The following AJUBA variants were observed in gnomAD, a reference collection of about 807,000 sequenced individuals.
AJUBA encodes ajuba LIM protein.
In AJUBA, 20 loss-of-function variants were observed where a neutral mutation model predicts 53.3. The ratio of observed to expected loss-of-function variants is 0.38; its 90% CI spans 0.26 to 0.55. AJUBA has a LOEUF of 0.55. Among genes scored for constraint, AJUBA ranks in the 20% least tolerant of loss-of-function variants. The pLI, the probability that AJUBA is intolerant of heterozygous loss-of-function variation, is 0.80. For synonymous variants in AJUBA, 296 were observed against 306.2 expected (o/e 0.97, Z 0.35); for missense variants, 580 against 730.5 (o/e 0.79, Z 2.38).
intron 4 of AJUBA, among the ~76,000 whole-genome samples, chr14:22,975,529 G>A (rs943824110): frequency 2.0e-5 from 3 of 152,196 alleles, no homozygotes; most frequent in African/African-American, 7.2e-5. Context: ...AGAAAACTGA[G>A]TCCCAAGTGA....
rs1385410061 is a variant in AJUBA, at chr14:22,979,129, C to A, written c.1007-684G>T. On this transcript the variant is annotated intron_variant, in intron 1 of 7. Coordinates refer to ENST00000262713, the MANE Select transcript of AJUBA (RefSeq NM_032876.6). This position sits in a 1 kb window ranked among gnomAD's most constrained non-coding sequence, Gnocchi z 4.0. ...GAGAGTAGCAGAGCCCCTGATGCCT[C>A]CTAGTCACCTTCTATCATGGGAAGA... The A allele has an allele frequency of 8.0e-7, 1 of 1,248,272 alleles. No homozygotes were observed. The highest frequency in any genetic ancestry group is 1.0e-6 in the Non-Finnish European group (1 of 971,222). The allele number at this position is 1,248,272 out of a possible 1,614,324, so 77.3% of individuals were successfully genotyped here.
intron 1 of AJUBA, among the ~76,000 whole-genome samples, chr14:22,980,282 G>A (rs1015232325): frequency 5.9e-5 from 9 of 152,154 alleles, no homozygotes; most frequent in South Asian, 2.1e-4. Flanking sequence ...TGTGAATTTT[G>A]ACTAAAAGAT....
At chr14:22,981,149 C>G in intron 1 of AJUBA, 112 bp downstream of exon 1, 1 of 1,337,246 alleles carries the variant, frequency 7.5e-7, no homozygotes, top group Admixed American at 2.5e-5. Context: ...CTTTCCTAGT[C>G]CCGCGTCTTC....
In AJUBA at chr14:22,973,395, G is replaced by A; in HGVS notation, c.*48C>T. Reference sequence around the variant, plus strand: ...TGGCTGGCCTCAGAGGGGCCCACTGGCCACAGCAGTTTGTCTGCAGGGTGA... The same window carrying A: ...TGGCTGGCCTCAGAGGGGCCCACTGACCACAGCAGTTTGTCTGCAGGGTGA... On this transcript the variant is annotated 3_prime_UTR_variant, in exon 8 of 8. Transcript: ENST00000262713. 2 of 1,571,932 alleles carry A rather than the reference G, an allele frequency of 1.3e-6. No individual in the cohort carries two copies. Among genetic ancestry groups the A allele is most frequent in the South Asian group, 1.2e-5 (1 of 86,082 alleles).
chr14:22,981,277 G>A lies in AJUBA; in HGVS notation c.990C>T (p.Ala330=), dbSNP rs2045089525. ...CTCACTCACCGAAGTAGTCCTCCCT[G>A]GCCTCTGGCTCCCGCATCCGGGCCC... ...AARARMREPE[A]REDYFGTCIK... The change falls in exon 1 of 8, where the codon GCC becomes GCT. Residue 330 remains alanine (A), a synonymous_variant. Coordinates refer to ENST00000262713, the MANE Select transcript of AJUBA (RefSeq NM_032876.6). 1 of 1,609,874 alleles carries A rather than the reference G, an allele frequency of 6.2e-7. No individual in the cohort carries two copies. Among genetic ancestry groups the A allele is most frequent in the Admixed American group, 1.7e-5 (1 of 59,802 alleles).
At chr14:22,974,614 G>A in intron 6 of AJUBA, 1 of 549,404 alleles carries the variant, frequency 1.8e-6, no homozygotes, top group Non-Finnish European at 3.2e-6. Context: ...CCTCTGGACT[G>A]GGATAGAAGA....
Position 22,981,796 on chromosome 14 carries a change from G to C in AJUBA, c.471C>G (p.Pro157=). Residue 157 remains proline (P), a synonymous_variant, in exon 1 of 8, where the codon CCC becomes CCG. Transcript: ENST00000262713. ...TGATGCCGCTGGTGCGATTGCTGCAGGGCCGGCTACCTCCAGCTCCGCCAG... is the reference window on the plus strand; with the variant it reads ...TGATGCCGCTGGTGCGATTGCTGCACGGCCGGCTACCTCCAGCTCCGCCAG... ...AGAGGAGGSR[P]CSNRTSGISM... The C allele has an allele frequency of 3.3e-6, 5 of 1,534,020 alleles. No individual in the cohort carries two copies. The highest frequency in any genetic ancestry group is 3.5e-6 in the Non-Finnish European group (4 of 1,146,264).
At chr14:22,975,291 A>G (rs2045024645) in intron 4 of AJUBA, 187 bp from the exon 5 acceptor site, 14 of 703,744 alleles carry the variant, frequency 2.0e-5, no homozygotes, top group Non-Finnish European at 2.7e-5. Context: ...CTGAGAGAGC[A>G]TTCAGGCCAG....
In AJUBA at chr14:22,979,004, C is replaced by T. The variant is rs754755329; in HGVS notation, c.1007-559G>A. 51 of 1,289,056 alleles carry T rather than the reference C, an allele frequency of 4.0e-5. 1 individual carries two copies. In the Admixed American group the frequency reaches 7.8e-4, roughly 20 times the overall value. The allele number at this position is 1,289,056 out of a possible 1,614,324, so 79.9% of individuals were successfully genotyped here. ...GAAAAGGATCTGGCTTGGCAGAGGG[C>T]TCCGTGCAGAGGGGACCATGTGAGC... On this transcript the variant is annotated intron_variant, in intron 1 of 7. Coordinates refer to ENST00000262713, the MANE Select transcript of AJUBA (RefSeq NM_032876.6). This position sits in a 1 kb window ranked among gnomAD's most constrained non-coding sequence, Gnocchi z 4.0.
Position 22,972,160 on chromosome 14 carries a change from G to C in AJUBA, c.*1283C>G, listed in dbSNP as rs1314734376. On this transcript the variant is annotated 3_prime_UTR_variant, in exon 8 of 8. Transcript: ENST00000262713. ...ATTGGTTTTAAGAGATCTAGCTTTA[G>C]GTGAACTAGTTTCAAGCAAACTGAC... 6.6e-6 allele frequency: 1 copy of C among 152,466 alleles called. No homozygotes were observed. The highest frequency in any genetic ancestry group is 1.5e-5 in the Non-Finnish European group (1 of 68,032). 9.4% of individuals were successfully genotyped at this position (152,466 alleles called of 1,614,324 possible). A position where few individuals can be genotyped will look rare whatever the true frequency, so the allele number is the denominator to read the frequency against.
chr14:22,980,714 T>C lies in AJUBA; in HGVS notation c.1006+547A>G, dbSNP rs114422318. 1,886 of 979,804 alleles carry C rather than the reference T, an allele frequency of 1.9e-3. 29 individuals are homozygous for C. In the African/African-American group the frequency reaches 0.031, roughly 16 times the overall value. The allele number at this position is 979,804 out of a possible 1,614,324, so 60.7% of individuals were successfully genotyped here. A position where few individuals can be genotyped will look rare whatever the true frequency, so the allele number is the denominator to read the frequency against. On this transcript the variant is annotated intron_variant, in intron 1 of 7. Transcript: ENST00000262713. ...ACTACTCCGCGTATGCTAGGGAGCG[T>C]CCCCCGATCCCCGAACCCCACCCCT...
intron 2 of AJUBA, chr14:22,976,951 T>C: frequency 7.2e-7 from 1 of 1,385,322 alleles, no homozygotes; most frequent in Non-Finnish European, 9.3e-7. Flanking sequence ...TCCTGCCTCC[T>C]TAACAGTTTT....
Position 22,982,500 on chromosome 14 carries a change from C to T in AJUBA, c.-234G>A. The T allele has an allele frequency of 1.4e-6, 2 of 1,400,654 alleles. No homozygotes were observed. Among genetic ancestry groups the T allele is most frequent in the East Asian group, 5.7e-5 (2 of 35,170 alleles). The allele number at this position is 1,400,654 out of a possible 1,614,324, so 86.8% of individuals were successfully genotyped here. A position where few individuals can be genotyped will look rare whatever the true frequency, so the allele number is the denominator to read the frequency against. ...GAGCGGGGCTAGCAGGGTCTCTGGC[C>T]GCGGCTGTCCAGTCCGCAGGTCTAT... On this transcript the variant is annotated 5_prime_UTR_variant, in exon 1 of 8. Transcript: ENST00000262713.
At chr14:22,980,679 G>T in intron 1 of AJUBA, 1 of 985,216 alleles carries the variant, frequency 1.0e-6, no homozygotes. Context: ...CCATTTCCCC[G>T]ACAGCCGCCA....
intron 2 of AJUBA, 60 bp downstream of exon 2, chr14:22,978,275 CCCCATAGCA>C: frequency 7.0e-7 from 1 of 1,430,604 alleles, no homozygotes; most frequent in South Asian, 1.2e-5. Context: ...TCCTCCTGTT[CCCCATAGCA>C]CTTGTAAGTG....
rs373374150 is a variant in AJUBA, at chr14:22,976,682, C to T, written c.1139G>A (p.Ser380Asn). The change falls in exon 3 of 8, where the codon AGT becomes AAT. Residue 380 changes from serine (S) to asparagine (N), a missense_variant. Physicochemically the swap from Ser to Asn is conservative, Grantham distance 46. Around this residue, in one of 2 missense-constraint regions of AJUBA, gnomAD observed 150 missense variants for 259.0 expected, o/e 0.58. Coordinates refer to ENST00000262713, the MANE Select transcript of AJUBA (RefSeq NM_032876.6). ...GRTLRCKAFY[S>N]VNGSVYCEED... ...CTCACAGTACACAGAGCCATTGACA[C>T]TGTAGAAAGCCTTGCAACGCAAAGT... 5 of 1,613,980 alleles carry T rather than the reference C, an allele frequency of 3.1e-6. No individual in the cohort carries two copies. The African/African-American group carries it at 6.7e-5, about 22-fold the overall frequency.
In AJUBA at chr14:22,974,991, A is replaced by G; in HGVS notation, c.1353T>C (p.Cys451=). Residue 451 remains cysteine (C), a synonymous_variant, in exon 5 of 8, where the codon TGT becomes TGC. Coordinates refer to ENST00000262713, the MANE Select transcript of AJUBA (RefSeq NM_032876.6). The part of the protein sequence containing the change: ...FTVDFSNQVY[C]VTDYHKNYAP... The stretch of plus-strand genomic sequence containing the variant: ...AGACTCACTTGTGGTAGTCGGTGAC[A>G]CAGTATACTTGGTTGGAGAAGTCCA... 1 of 1,614,246 alleles carries G rather than the reference A, an allele frequency of 6.2e-7. No individual in the cohort carries two copies.
chr14:22,977,174 T>C, intron 2 of AJUBA: 2 of 992,414 alleles, frequency 2.0e-6, no homozygotes, highest in Non-Finnish European at 1.2e-6. Context: ...TGCTCTCAAA[T>C]GCCTGTCTCC....
At chr14:22,980,213 C>T (rs146600920) in intron 1 of AJUBA, among the ~76,000 whole-genome samples, 1 of 152,304 alleles carries the variant, frequency 6.6e-6, no homozygotes, top group Non-Finnish European at 1.5e-5. Flanking sequence ...AGGCGGTAAG[C>T]CTGCCACTTC....
Sources: gnomAD v4.1 joint callset for allele counts (sites outside exome capture counted in the v4.1 genomes callset) on GRCh38, gnomAD v4.1.1 for gene constraint, gnomAD v4.1.1 regional missense constraint, Gnocchi (gnomAD v3.1) non-coding constraint, MANE v1.5 for transcripts, NCBI Gene and HGNC (gene_info 2026-07-23, HGNC 2026-07-21) for gene names.